Variants in MAGI2 observed in about 807,000 individuals in gnomAD.
MAGI2 encodes the protein membrane associated guanylate kinase, WW and PDZ domain containing 2, also known as membrane-associated guanylate kinase, WW and PDZ domain-containing protein 2.
MAGI2 carries 35 observed loss-of-function variants against 133.3 expected under a neutral mutation model. The ratio of observed to expected loss-of-function variants is 0.26; its 90% confidence interval spans 0.20 to 0.35. MAGI2 has a LOEUF of 0.35. Ranked by LOEUF, MAGI2 falls within the 10% of genes least tolerant of loss-of-function variation. MAGI2 has a pLI of 1.00. For synonymous variants in MAGI2, 729 were observed against 710.6 expected (o/e 1.03, Z -0.41); for missense variants, 1,636 against 1,863.4 (o/e 0.88, Z 2.25).
intron 9 of MAGI2, among the ~76,000 whole-genome samples, chr7:78,272,986 A>C (rs1794732783): frequency 6.6e-6 from 1 of 152,158 alleles, no homozygotes; most frequent in Non-Finnish European, 1.5e-5. Flanking sequence ...TGTCATTATG[A>C]TGCTAGCTGG....
At chr7:78,752,607 A>G (rs1823560796) in intron 2 of MAGI2, among the ~76,000 whole-genome samples, 1 of 152,228 alleles carries the variant, frequency 6.6e-6, no homozygotes, top group Non-Finnish European at 1.5e-5. Flanking sequence ...CATCTCAAAA[A>G]AATAAAATCT....
At chr7:78,436,377 G>C (rs1269854129) in intron 6 of MAGI2, among the ~76,000 whole-genome samples, 1 of 152,098 alleles carries the variant, frequency 6.6e-6, no homozygotes, top group East Asian at 1.9e-4. Context: ...GCCCTGAAGA[G>C]AAAACATTTT....
At chr7:79,391,488 CATATATATATATATATAGACATAT>C (rs1563180360) in intron 1 of MAGI2, among the ~76,000 whole-genome samples, 1 of 119,336 alleles carries the variant, frequency 8.4e-6, no homozygotes, top group Non-Finnish European at 1.8e-5. Flanking sequence ...TTACCTTTAA[CATATATATATATATATAGACATAT>C]ATATATATAT....
At chr7:78,546,064 T>C (rs867854897) in intron 3 of MAGI2, among the ~76,000 whole-genome samples, 12 of 152,326 alleles carry the variant, frequency 7.9e-5, no homozygotes, top group Middle Eastern at 6.8e-3. Context: ...TACCCAAGGT[T>C]TTCATAAGAG....
chr7:79,139,384 ATAT>A (rs1371315320), intron 1 of MAGI2, among the ~76,000 whole-genome samples: 1 of 152,174 alleles, frequency 6.6e-6, no homozygotes, highest in Non-Finnish European at 1.5e-5. Flanking sequence ...TACAAAGGTG[ATAT>A]TATTTTCTCT....
chr7:79,155,259 A>C (rs112573995), intron 1 of MAGI2, among the ~76,000 whole-genome samples: 2,447 of 56,666 alleles, frequency 0.043, 71 homozygotes, highest in African/African-American at 0.095. Flanking sequence ...ATGAATAATC[A>C]ATTTCACTTA....
At chr7:78,358,003 T>TA (rs149685383) in intron 7 of MAGI2, among the ~76,000 whole-genome samples, 3,634 of 149,138 alleles carry the variant, frequency 0.024, 143 homozygotes, top group African/African-American at 0.086. Context: ...TTTTTATTGT[T>TA]AAAAAAAAGA....
intron 2 of MAGI2, among the ~76,000 whole-genome samples, chr7:78,844,471 T>C (rs1430919697): frequency 6.6e-6 from 1 of 151,866 alleles, no homozygotes; most frequent in African/African-American, 2.4e-5. Flanking sequence ...ATTATTTAAC[T>C]ATAAAAGAGA....
chr7:78,761,737 T>A (rs1824533779), intron 2 of MAGI2, among the ~76,000 whole-genome samples: 2 of 152,040 alleles, frequency 1.3e-5, no homozygotes, highest in African/African-American at 4.8e-5. Context: ...GGATTACAGG[T>A]GTGAGCCATC....
intron 10 of MAGI2, among the ~76,000 whole-genome samples, chr7:78,204,761 G>C (rs937469831): frequency 4.6e-5 from 7 of 152,066 alleles, no homozygotes; most frequent in Non-Finnish European, 1.0e-4. Flanking sequence ...AAGCAAAAGA[G>C]CTCAAGATAT....
chr7:78,513,995 G>A (rs1363901806), intron 4 of MAGI2, among the ~76,000 whole-genome samples: 1 of 148,334 alleles, frequency 6.7e-6, no homozygotes, highest in African/African-American at 2.5e-5. Flanking sequence ...GGGTGAGGCA[G>A]GAGAATTGCT....
chr7:78,970,668 CAA>C (rs1333742868), intron 2 of MAGI2, among the ~76,000 whole-genome samples: 1 of 151,996 alleles, frequency 6.6e-6, no homozygotes, highest in African/African-American at 2.4e-5. Context: ...AGAGAGGTAA[CAA>C]GAGCTAATTC....
intron 10 of MAGI2, among the ~76,000 whole-genome samples, chr7:78,229,672 A>C (rs1789759289): frequency 6.6e-6 from 1 of 152,212 alleles, no homozygotes; most frequent in South Asian, 2.1e-4. Flanking sequence ...TTTTACAGTA[A>C]TATTTGTTTT....
chr7:79,416,135 C>T (rs1407073480), intron 1 of MAGI2, among the ~76,000 whole-genome samples: 1 of 152,096 alleles, frequency 6.6e-6, no homozygotes, highest in Non-Finnish European at 1.5e-5. Context: ...TTATATCCTA[C>T]TGAGCCTAAT....
intron 1 of MAGI2, among the ~76,000 whole-genome samples, chr7:79,265,874 C>A (rs1456226408): frequency 6.6e-6 from 1 of 152,008 alleles, no homozygotes; most frequent in South Asian, 2.1e-4. Context: ...TTTTCCTAAC[C>A]AATTTTATTC....
intron 15 of MAGI2, among the ~76,000 whole-genome samples, chr7:78,162,583 G>T (rs1825176596): frequency 6.6e-6 from 1 of 151,768 alleles, no homozygotes; most frequent in African/African-American, 2.4e-5. Context: ...GCAGTAAAAG[G>T]CTGGGAGTGG....
intron 1 of MAGI2, among the ~76,000 whole-genome samples, chr7:79,332,538 G>A (rs984839404): frequency 6.6e-5 from 10 of 152,116 alleles, no homozygotes; most frequent in African/African-American, 2.4e-5. Flanking sequence ...CCTATTAAAT[G>A]TAGAGTCAAG....
rs189208742 is a variant in MAGI2, at chr7:78,655,844, G to A, written c.419-28605C>T. 3.9e-3 allele frequency among the ~76,000 whole-genome samples: 589 copies of A among 151,884 alleles called. 3 individuals are homozygous for A. Among genetic ancestry groups the A allele is most frequent in the African/African-American group, 0.013 (552 of 41,468 alleles). ...AAAATATAAAAAATTAGCCAGGCGC[G>A]GTGGCGGGCGCCTGTAGTCCCAGCT... On this transcript the variant is annotated intron_variant, in intron 2 of 21. Transcript: ENST00000354212.
intron 10 of MAGI2, among the ~76,000 whole-genome samples, chr7:78,240,911 A>G (rs1791068058): frequency 6.6e-6 from 1 of 152,142 alleles, no homozygotes; most frequent in Admixed American, 6.5e-5. Flanking sequence ...ATTTTATGTC[A>G]ATTTTAAAAA....
Sources: allele counts gnomAD v4.1 joint callset (sites outside exome capture counted in the v4.1 genomes callset), GRCh38; gene constraint gnomAD v4.1.1; transcripts MANE v1.5; gene names NCBI Gene and HGNC (gene_info 2026-07-23, HGNC 2026-07-21).